CEP112: variants seen among roughly 807,000 people sequenced by gnomAD.
CEP112 encodes centrosomal protein of 112 kDa.
CEP112 carries 127 observed loss-of-function variants against 153.0 expected under a neutral mutation model. The ratio of observed to expected loss-of-function variants is 0.83; its 90% CI spans 0.72 to 0.96. The LOEUF (loss-of-function observed/expected upper bound fraction) is 0.96, where lower values mean the gene tolerates loss of function less well. Ranked by LOEUF, CEP112 falls within the 40% of genes least tolerant of loss-of-function variation. The pLI is 0.00. For missense variants in CEP112, 1,089 were observed against 1,101.2 expected, an observed-to-expected ratio of 0.99 and a Z score of 0.16; for synonymous variants, 358 against 374.4, an observed-to-expected ratio of 0.96 and a Z score of 0.51.
At chr17:66,121,474 C>T (rs574616264) in intron 6 of CEP112, among the ~76,000 whole-genome samples, 5 of 152,206 alleles carry the variant, frequency 3.3e-5, no homozygotes, top group South Asian at 2.1e-4. Context: ...TTCTGGTACC[C>T]GCATTACACA....
chr17:65,779,607 T>C lies in CEP112; in HGVS notation c.2395-28883A>G, dbSNP rs1203601766. Among the ~76,000 whole-genome samples the C allele has an allele frequency of 2.0e-5, 3 of 152,162 alleles. No individual in the cohort carries two copies. In the East Asian group the frequency reaches 5.8e-4, roughly 29 times the overall value. ...GTTTAAATAGCAAAACATCTGCAAA[T>C]GTCACTGATCCATATTTAGTGACTC... On this transcript the variant is annotated intron_variant, in intron 21 of 26. Coordinates refer to ENST00000535342, the MANE Select transcript of CEP112 (RefSeq NM_001199165.4).
intron 17 of CEP112, among the ~76,000 whole-genome samples, chr17:65,986,281 C>G (rs12601188): frequency 0.41 from 62,434 of 151,950 alleles, 14,278 homozygotes; most frequent in East Asian, 0.87. Context: ...TGGAAATAGA[C>G]TAATTAAAAA....
chr17:65,946,871 A>C (rs1322263845), intron 18 of CEP112, among the ~76,000 whole-genome samples: 1 of 152,144 alleles, frequency 6.6e-6, no homozygotes, highest in Non-Finnish European at 1.5e-5. Flanking sequence ...TCTCTCAACA[A>C]CACTTTCTAG....
At chr17:66,110,634 T>C (rs2068985620) in intron 6 of CEP112, among the ~76,000 whole-genome samples, 1 of 151,444 alleles carries the variant, frequency 6.6e-6, no homozygotes, top group African/African-American at 2.4e-5. Flanking sequence ...AGAAGAATGA[T>C]GTTATGGCCT....
chr17:65,671,167 G>A (rs928654888), intron 24 of CEP112, among the ~76,000 whole-genome samples: 8 of 152,146 alleles, frequency 5.3e-5, no homozygotes, highest in African/African-American at 1.9e-4. Context: ...CTATAAGCAG[G>A]TGGCAAAAGG....
chr17:65,823,444 T>C (rs1266701318), intron 21 of CEP112, among the ~76,000 whole-genome samples: 1 of 152,184 alleles, frequency 6.6e-6, no homozygotes, highest in East Asian at 1.9e-4. Context: ...GGATAGTCTT[T>C]TCAACAAACA....
chr17:65,888,809 G>A (rs2059372014), intron 20 of CEP112, among the ~76,000 whole-genome samples: 2 of 152,100 alleles, frequency 1.3e-5, no homozygotes, highest in South Asian at 2.1e-4. Context: ...AGGAATCTGG[G>A]CATTTTAGAG....
At chr17:65,644,268 GTCTA>G in intron 24 of CEP112, 6 of 590,148 alleles carry the variant, frequency 1.0e-5, no homozygotes, top group Non-Finnish European at 1.5e-5. Context: ...TGTTTAGAAT[GTCTA>G]TCTGTTTTCC....
chr17:66,165,521 G>T lies in CEP112; in HGVS notation c.470+9523C>A, dbSNP rs192406698. On this transcript the variant is annotated intron_variant, in intron 4 of 26. Coordinates refer to ENST00000535342, the MANE Select transcript of CEP112 (RefSeq NM_001199165.4). ...TACTAAGAAGGAAAGGTATTGATTG[G>T]CTCCTTGCTAAATTATCCAACAATT... Among the ~76,000 whole-genome samples the T allele has an allele frequency of 2.9e-3, 449 of 152,234 alleles. 3 individuals carry two copies. The highest frequency in any genetic ancestry group is 1.0e-2 in the African/African-American group (415 of 41,546).
At chr17:65,753,345 C>T (rs1489812273) in intron 21 of CEP112, among the ~76,000 whole-genome samples, 1 of 152,214 alleles carries the variant, frequency 6.6e-6, no homozygotes, top group African/African-American at 2.4e-5. Context: ...GAGTGGATGC[C>T]GTACAAGCCC....
At chr17:66,183,170 T>A in intron 2 of CEP112, 24 bp downstream of exon 2, 1 of 1,441,050 alleles carries the variant, frequency 6.9e-7, no homozygotes, top group South Asian at 1.3e-5. Flanking sequence ...ATCTTAAGAA[T>A]CTAATCTTCA....
intron 24 of CEP112, among the ~76,000 whole-genome samples, chr17:65,675,144 A>G (rs893108050): frequency 2.6e-5 from 4 of 152,220 alleles, no homozygotes; most frequent in African/African-American, 9.6e-5. Context: ...CAGACATAGG[A>G]AACAGGGCTA....
intron 20 of CEP112, among the ~76,000 whole-genome samples, chr17:65,855,311 T>C (rs1313375774): frequency 6.6e-6 from 1 of 152,104 alleles, no homozygotes; most frequent in Non-Finnish European, 1.5e-5. Context: ...CATCAGTCAG[T>C]CAATACCAAG....
intron 21 of CEP112, among the ~76,000 whole-genome samples, chr17:65,766,466 G>A (rs2052981609): frequency 6.6e-6 from 1 of 151,224 alleles, no homozygotes; most frequent in South Asian, 2.1e-4. Context: ...AAATCAGAAA[G>A]GAAAAAAGGA....
At chr17:66,041,902 T>C (rs28631523) in intron 12 of CEP112, among the ~76,000 whole-genome samples, 78,563 of 152,124 alleles carry the variant, frequency 0.52, 21,180 homozygotes, top group African/African-American at 0.59. Context: ...TAAAACTCCC[T>C]ACTTCTTAAA....
intron 21 of CEP112, among the ~76,000 whole-genome samples, chr17:65,851,228 G>A (rs1382605427): frequency 1.3e-5 from 2 of 152,084 alleles, no homozygotes; most frequent in Non-Finnish European, 2.9e-5. Context: ...TTTTCTGAAC[G>A]TCAAAAGAAA....
intron 8 of CEP112, among the ~76,000 whole-genome samples, chr17:66,076,762 G>A (rs1480604571): frequency 6.6e-6 from 1 of 152,154 alleles, no homozygotes; most frequent in African/African-American, 2.4e-5. Context: ...CACAAAAATA[G>A]AACTGTAAAC....
chr17:65,674,189 G>T (rs2047114589), intron 24 of CEP112, among the ~76,000 whole-genome samples: 1 of 152,126 alleles, frequency 6.6e-6, no homozygotes, highest in African/African-American at 2.4e-5. Context: ...AACTTCTATA[G>T]ATCAAATTAG....
At chr17:65,971,422 T>G (rs1181644763) in intron 17 of CEP112, among the ~76,000 whole-genome samples, 3 of 47,574 alleles carry the variant, frequency 6.3e-5, no homozygotes, top group Admixed American at 3.8e-4. Context: ...TGCAGCATGC[T>G]GCATGCATGT....
Sources: allele counts gnomAD v4.1 joint callset (sites outside exome capture counted in the v4.1 genomes callset), GRCh38; gene constraint gnomAD v4.1.1; transcripts MANE v1.5; gene names NCBI Gene and HGNC (gene_info 2026-07-23, HGNC 2026-07-21).